CACNA1E: variants seen among roughly 807,000 people sequenced by gnomAD.
CACNA1E encodes the protein voltage-dependent R-type calcium channel subunit alpha-1E.
A neutral mutation model predicts 259.2 loss-of-function variants in CACNA1E; 40 were observed. That is an observed-to-expected ratio of 0.15 (90% CI 0.12 to 0.20). The LOEUF (loss-of-function observed/expected upper bound fraction) is 0.20, where lower values mean the gene tolerates loss of function less well. Ranked by LOEUF, CACNA1E falls within the 10% of genes least tolerant of loss-of-function variation. The probability of loss-of-function intolerance (pLI) is 1.00; values close to 1 mark genes in which losing one functional copy is unlikely to be tolerated. For missense variants in CACNA1E, 1,874 were observed against 3,040.1 expected, an observed-to-expected ratio of 0.62 and a Z score of 9.02; for synonymous variants, 1,104 against 1,138.5, an observed-to-expected ratio of 0.97 and a Z score of 0.61.
At chr1:181,327,338 T>C (rs1650875589) in intron 1 of CACNA1E, among the ~76,000 whole-genome samples, 3 of 152,116 alleles carry the variant, frequency 2.0e-5, no homozygotes, top group African/African-American at 7.2e-5. Flanking sequence ...ACCCACCAAC[T>C]CCTCTCAGAG....
intron 1 of CACNA1E, among the ~76,000 whole-genome samples, chr1:181,359,483 G>T (rs1365250873): frequency 6.6e-6 from 1 of 152,224 alleles, no homozygotes; most frequent in Non-Finnish European, 1.5e-5. Context: ...AAGCAGTCCA[G>T]TGTGGCTGAA....
chr1:181,675,210 A>G (rs1470622121), intron 7 of CACNA1E, among the ~76,000 whole-genome samples: 1 of 152,198 alleles, frequency 6.6e-6, no homozygotes, highest in African/African-American at 2.4e-5. Context: ...AGGAAGGAAT[A>G]TATCTGCTTC....
chr1:181,753,630 G>A lies in CACNA1E; in HGVS notation c.3828+1391G>A, dbSNP rs148348324. On this transcript the variant is annotated intron_variant, in intron 27 of 47. Coordinates refer to ENST00000367573, the MANE Select transcript of CACNA1E (RefSeq NM_001205293.3). ...GGCCTGCTCTCCCAAGCCTGCCACG[G>A]AGGACACAGCTTGGGGAGGGCTCTT... is the stretch of plus-strand genomic sequence containing the variant. Among the ~76,000 whole-genome samples, 565 of 152,270 alleles carry A rather than the reference G, an allele frequency of 3.7e-3. 5 individuals are homozygous for A. Among genetic ancestry groups the A allele is most frequent in the African/African-American group, 0.013 (541 of 41,548 alleles).
chr1:181,721,637 G>A, intron 15 of CACNA1E, 121 bp from the exon 16 acceptor site: 1 of 530,084 alleles, frequency 1.9e-6, no homozygotes, highest in Non-Finnish European at 3.4e-6. Flanking sequence ...TAACTCCCTG[G>A]CAAGATTGTC....
intron 6 of CACNA1E, among the ~76,000 whole-genome samples, chr1:181,590,416 A>AAAATATATATATAT (rs1553291053): frequency 8.6e-6 from 1 of 115,882 alleles, no homozygotes; most frequent in African/African-American, 3.7e-5. Flanking sequence ...AAAAAAAAAA[A>AAAATATATATATAT]ATATATATAT....
At chr1:181,565,867 G>A (rs1649770745) in intron 3 of CACNA1E, among the ~76,000 whole-genome samples, 1 of 129,102 alleles carries the variant, frequency 7.7e-6, no homozygotes, top group Admixed American at 8.1e-5. Context: ...TCTCACAACT[G>A]CTTGTTCCTG....
chr1:181,377,520 A>C (rs1279507215), intron 1 of CACNA1E, among the ~76,000 whole-genome samples: 1 of 152,176 alleles, frequency 6.6e-6, no homozygotes, highest in East Asian at 1.9e-4. Flanking sequence ...GTTTTACAGC[A>C]GGGATGAAAT....
At chr1:181,582,625 C>T (rs1232794165) in intron 6 of CACNA1E, among the ~76,000 whole-genome samples, 1 of 152,168 alleles carries the variant, frequency 6.6e-6, no homozygotes, top group Non-Finnish European at 1.5e-5. Context: ...AGCTGAAGAA[C>T]CACTCATTTT....
chr1:181,663,022 C>T (rs1558240445), intron 7 of CACNA1E, among the ~76,000 whole-genome samples: 1 of 152,204 alleles, frequency 6.6e-6, no homozygotes, highest in African/African-American at 2.4e-5. Flanking sequence ...TTCACAAGAT[C>T]TTTCCAGGTC....
At chr1:181,390,339 T>TTTG in intron 1 of CACNA1E, among the ~76,000 whole-genome samples, 2 of 152,088 alleles carry the variant, frequency 1.3e-5, no homozygotes, top group Non-Finnish European at 2.9e-5. Context: ...ATTTGTTTTT[T>TTTG]ATGAGAAGTT....
At chr1:181,712,905 C>T (rs1653523772) in intron 8 of CACNA1E, among the ~76,000 whole-genome samples, 2 of 152,266 alleles carry the variant, frequency 1.3e-5, no homozygotes, top group South Asian at 4.2e-4. Context: ...CTCGCTGGGG[C>T]TCTGCTTTTC....
At chr1:181,435,182 T>C (rs1238128) in intron 2 of CACNA1E, among the ~76,000 whole-genome samples, 94,804 of 152,104 alleles carry the variant, frequency 0.62, 30,613 homozygotes, top group African/African-American at 0.79. Flanking sequence ...CCTAGAGAGC[T>C]AGTTGTTAAA....
rs919646902 is a variant in CACNA1E, at chr1:181,733,848, GA to G, written c.3262+99del. 1.3e-4 allele frequency: 114 copies of G among 876,414 alleles called. No individual in the cohort carries two copies. The African/African-American group carries it at 1.6e-3, about 12-fold the overall frequency. The allele number at this position is 876,414 out of a possible 1,614,324, so 54.3% of individuals were successfully genotyped here. ...GCCACATGGAAAGCACCACCAGGAG[GA>G]GTAAATCATCCTTCAAGAAGTAAAA... On this transcript the variant is annotated intron_variant, in intron 21 of 47. Transcript: ENST00000367573.
intron 2 of CACNA1E, among the ~76,000 whole-genome samples, chr1:181,459,821 G>A (rs148745350): frequency 7.8e-4 from 119 of 152,310 alleles, no homozygotes; most frequent in Middle Eastern, 6.8e-3. Context: ...ACTCTCCTGG[G>A]CAACTGGAAG....
chr1:181,755,904 G>C (rs1305550647), intron 28 of CACNA1E, 52 bp from the exon 29 acceptor site: 1 of 1,575,736 alleles, frequency 6.3e-7, no homozygotes. Context: ...TGACTCTTCT[G>C]TAGAATGAGC....
chr1:181,524,787 C>G (rs1455350063), intron 3 of CACNA1E, among the ~76,000 whole-genome samples: 1 of 152,202 alleles, frequency 6.6e-6, no homozygotes, highest in African/African-American at 2.4e-5. Flanking sequence ...GTGGCTCAGC[C>G]TAGTTGCAGG....
chr1:181,545,797 C>G (rs1250165971), intron 3 of CACNA1E, among the ~76,000 whole-genome samples: 3 of 152,192 alleles, frequency 2.0e-5, no homozygotes, highest in African/African-American at 4.8e-5. Flanking sequence ...TCATGTCCCT[C>G]TGTCTCCAGG....
At chr1:181,785,608 A>G in intron 42 of CACNA1E, 105 bp from the exon 43 acceptor site, 1 of 928,996 alleles carries the variant, frequency 1.1e-6, no homozygotes. Context: ...TGGTCAAACA[A>G]GGGATAAGTT....
chr1:181,480,255 G>A (rs563417561), upstream of CACNA1E, among the ~76,000 whole-genome samples: 1 of 152,298 alleles, frequency 6.6e-6, no homozygotes, highest in East Asian at 1.9e-4. Context: ...GAAGATGAGA[G>A]TCTGTCTTCC....
Sources: allele counts gnomAD v4.1 joint callset (sites outside exome capture counted in the v4.1 genomes callset), GRCh38; gene constraint gnomAD v4.1.1; transcripts MANE v1.5; gene names NCBI Gene and HGNC (gene_info 2026-07-23, HGNC 2026-07-21).